PCLO: variants seen among roughly 807,000 people sequenced by gnomAD.
PCLO encodes piccolo presynaptic cytomatrix protein.
A neutral mutation model predicts 427.5 loss-of-function variants in PCLO; 82 were observed. The observed-to-expected ratio is 0.19, with a 90% CI of 0.16 to 0.23. PCLO has a LOEUF of 0.23. PCLO is among the 10% of genes least tolerant of loss of function. The pLI, the probability that PCLO is intolerant of heterozygous loss-of-function variation, is 1.00. For synonymous variants in PCLO, 2,357 were observed against 2,155.4 expected, an observed-to-expected ratio of 1.09 and a Z score of -2.59; for missense variants, 6,239 against 6,115.9, an observed-to-expected ratio of 1.02 and a Z score of -0.67.
In PCLO at chr7:82,952,426, C is replaced by T; in HGVS notation, c.8527G>A (p.Val2843Ile). Reference protein sequence around the residue: ...EPPYRIPSDQVFPIAREEAPI... With the variant: ...EPPYRIPSDQIFPIAREEAPI... Reference sequence around the variant, plus strand: ...GCTTCTTCCCTAGCTATAGGAAAGACCTGGTCACTTGGTATCCTGTATGGG... The same window carrying T: ...GCTTCTTCCCTAGCTATAGGAAAGATCTGGTCACTTGGTATCCTGTATGGG... The change falls in exon 5 of 25, where the codon GTC (valine) becomes ATC (isoleucine). Residue 2843 changes from valine to isoleucine, a missense_variant. Coordinates refer to ENST00000333891, the MANE Select transcript of PCLO (RefSeq NM_033026.6). 6.2e-7 allele frequency: 1 copy of T among 1,613,858 alleles called. No individual in the cohort carries two copies. Among genetic ancestry groups the T allele is most frequent in the South Asian group, 1.1e-5 (1 of 91,088 alleles).
intron 10 of PCLO, among the ~76,000 whole-genome samples, chr7:82,864,418 G>A (rs1408488624): frequency 1.3e-5 from 2 of 152,114 alleles, no homozygotes; most frequent in Non-Finnish European, 2.9e-5. Context: ...GTGTATAGAT[G>A]GGAGGTGAGA....
intron 9 of PCLO, among the ~76,000 whole-genome samples, chr7:82,901,394 C>T (rs1794035496): frequency 6.6e-6 from 1 of 151,938 alleles, no homozygotes. Flanking sequence ...GAAACTGGAT[C>T]CCTTCCTTAC....
At chr7:82,986,146 G>GA (rs1322434725) in intron 3 of PCLO, among the ~76,000 whole-genome samples, 1 of 151,796 alleles carries the variant, frequency 6.6e-6, no homozygotes, top group East Asian at 1.9e-4. Context: ...GGATGAATGA[G>GA]AAAAAACATA....
intron 3 of PCLO, among the ~76,000 whole-genome samples, chr7:83,015,907 A>G (rs558607181): frequency 3.3e-5 from 5 of 152,176 alleles, no homozygotes; most frequent in Non-Finnish European, 5.9e-5. Flanking sequence ...AAGAATAAAA[A>G]TCTTGTCCTT....
intron 2 of PCLO, among the ~76,000 whole-genome samples, chr7:83,146,704 C>T (rs1792003206): frequency 6.6e-6 from 1 of 151,834 alleles, no homozygotes; most frequent in African/African-American, 2.4e-5. Context: ...TCAAGTGATT[C>T]CCCTGCCTCA....
Position 82,879,460 on chromosome 7 carries a change from T to A in PCLO, c.13531A>T (p.Asn4511Tyr). 6.3e-7 allele frequency: 1 copy of A among 1,589,656 alleles called. No homozygotes were observed. Among genetic ancestry groups the A allele is most frequent in the South Asian group, 1.1e-5 (1 of 88,808 alleles). The change falls in exon 10 of 25, where the codon AAT becomes TAT. Residue 4511 changes from asparagine to tyrosine, a missense_variant and splice_region_variant. Asn to Tyr is a moderately radical substitution (Grantham distance 143, BLOSUM62 -2). Coordinates refer to ENST00000333891, the MANE Select transcript of PCLO (RefSeq NM_033026.6). ...CCCACAATTCTAATTCCTAATCCATTACCTGTATTAAACAATTAGCAAATT... is the reference window on the plus strand; with the variant it reads ...CCCACAATTCTAATTCCTAATCCATAACCTGTATTAAACAATTAGCAAATT... ...RDSKDHTVSG[N>Y]GLGIRIVGGK...
chr7:82,813,111 T>C (rs1314947680), intron 20 of PCLO, among the ~76,000 whole-genome samples: 1 of 151,764 alleles, frequency 6.6e-6, no homozygotes, highest in Non-Finnish European at 1.5e-5. Flanking sequence ...TCATTAAATT[T>C]TGCCCAAATG....
At chr7:83,101,819 G>A (rs1307359198) in intron 3 of PCLO, among the ~76,000 whole-genome samples, 1 of 152,096 alleles carries the variant, frequency 6.6e-6, no homozygotes, top group East Asian at 1.9e-4. Flanking sequence ...ATCCTCTCCA[G>A]AGATATTCTG....
intron 3 of PCLO, among the ~76,000 whole-genome samples, chr7:82,990,210 T>C (rs41566): frequency 0.74 from 112,746 of 151,948 alleles, 42,232 homozygotes; most frequent in East Asian, 0.92. Context: ...ATTGAGGATC[T>C]AGCAGAGTTT....
At chr7:82,879,567 A>C (rs1480006732) in intron 9 of PCLO, 105 bp from the exon 10 acceptor site, 4 of 728,200 alleles carry the variant, frequency 5.5e-6, no homozygotes, top group Non-Finnish European at 6.7e-6. Context: ...CAGAAGCTAA[A>C]TATAACATGA....
At chr7:82,781,381 C>T (rs1420371474) in intron 22 of PCLO, among the ~76,000 whole-genome samples, 3 of 151,766 alleles carry the variant, frequency 2.0e-5, no homozygotes, top group South Asian at 2.1e-4. Flanking sequence ...AGGTTTGTTC[C>T]GTAGGTATAC....
In PCLO at chr7:82,965,856, T is replaced by C. The variant is rs1255719293; in HGVS notation, c.3932A>G (p.Asp1311Gly). ...GTPQSLPKED[D>G]KTTKTIKEQP... The stretch of plus-strand genomic sequence containing the variant: ...TTCTTTTATTGTTTTGGTTGTCTTA[T>C]CATCTTCTTTAGGTAAACTCTGAGG... Residue 1311 changes from aspartate to glycine, a missense_variant, in exon 4 of 25, where the codon GAT becomes GGT. Transcript: ENST00000333891. The C allele has an allele frequency of 6.2e-7, 1 of 1,613,958 alleles. No homozygotes were observed. Among genetic ancestry groups the C allele is most frequent in the Non-Finnish European group, 8.5e-7 (1 of 1,179,862 alleles).
At chr7:82,838,386 T>C (rs1162929974) in intron 14 of PCLO, 44 bp from the exon 15 acceptor site, 5 of 1,132,972 alleles carry the variant, frequency 4.4e-6, no homozygotes, top group African/African-American at 1.6e-5. Context: ...TAAAAGCATG[T>C]TATACATTAT....
intron 3 of PCLO, among the ~76,000 whole-genome samples, chr7:83,064,213 G>T (rs1184414064): frequency 6.6e-6 from 1 of 151,956 alleles, no homozygotes; most frequent in Non-Finnish European, 1.5e-5. Flanking sequence ...TACCATAAGA[G>T]AGCTCATGAA....
intron 3 of PCLO, among the ~76,000 whole-genome samples, chr7:82,976,718 A>G (rs1226972802): frequency 6.6e-6 from 1 of 150,940 alleles, no homozygotes; most frequent in East Asian, 1.9e-4. Context: ...TTAGTTTCTA[A>G]AAAAAAAATA....
At chr7:82,848,304 GTTTTTT>G (rs71522632) in intron 10 of PCLO, among the ~76,000 whole-genome samples, 13 of 83,888 alleles carry the variant, frequency 1.5e-4, no homozygotes, top group Admixed American at 6.4e-4. Flanking sequence ...CCATTAGTTA[GTTTTTT>G]TTTTTTTTTT....
intron 9 of PCLO, among the ~76,000 whole-genome samples, chr7:82,889,163 C>T (rs1350478371): frequency 6.6e-6 from 1 of 152,096 alleles, no homozygotes; most frequent in Non-Finnish European, 1.5e-5. Flanking sequence ...CAGTGTTCCC[C>T]AGCACAACCC....
At chr7:82,824,115 A>C in intron 19 of PCLO, 121 bp downstream of exon 19, 1 of 631,460 alleles carries the variant, frequency 1.6e-6, no homozygotes, top group Non-Finnish European at 2.7e-6. Flanking sequence ...CATTATATTA[A>C]GTATTTTCCA....
chr7:82,923,437 T>G (rs1212233142), intron 6 of PCLO, among the ~76,000 whole-genome samples: 1 of 152,060 alleles, frequency 6.6e-6, no homozygotes, highest in Non-Finnish European at 1.5e-5. Flanking sequence ...CTTTATTCAT[T>G]TTCTTCTTTA....
Sources: gnomAD v4.1 joint callset for allele counts (sites outside exome capture counted in the v4.1 genomes callset) on GRCh38, gnomAD v4.1.1 for gene constraint, MANE v1.5 for transcripts, NCBI Gene and HGNC (gene_info 2026-07-23, HGNC 2026-07-21) for gene names.